The following MACROH2A1 variants were observed in gnomAD, a reference collection of about 807,000 sequenced individuals.
MACROH2A1 encodes macroH2A.1 histone.
In MACROH2A1, 2 loss-of-function variants were observed where a neutral mutation model predicts 31.6. The observed-to-expected ratio is 0.06, with a 90% CI of 0.03 to 0.20. The LOEUF (loss-of-function observed/expected upper bound fraction) is 0.20, where lower values mean the gene tolerates loss of function less well. MACROH2A1 is among the 10% of genes least tolerant of loss of function. MACROH2A1 has a pLI of 1.00. For missense variants in MACROH2A1, 230 were observed against 474.0 expected, an observed-to-expected ratio of 0.49 and a Z score of 4.78; for synonymous variants, 169 against 189.6, an observed-to-expected ratio of 0.89 and a Z score of 0.89.
intron 2 of MACROH2A1, 132 bp from the exon 3 acceptor site, chr5:135,370,274 T>C: frequency 1.7e-6 from 1 of 592,716 alleles, no homozygotes; most frequent in Non-Finnish European, 3.0e-6. Context: ...GGTGAAAAGC[T>C]GTGGGCAGAG....
At chr5:135,380,147 A>T (rs1319963762) in intron 2 of MACROH2A1, among the ~76,000 whole-genome samples, 1 of 152,106 alleles carries the variant, frequency 6.6e-6, no homozygotes, top group South Asian at 2.1e-4. Flanking sequence ...TCATTCCTCT[A>T]ACTGGTCTTC....
At chr5:135,378,479 C>T (rs1184658099) in intron 2 of MACROH2A1, among the ~76,000 whole-genome samples, 1 of 152,254 alleles carries the variant, frequency 6.6e-6, no homozygotes, top group Non-Finnish European at 1.5e-5. Context: ...CTCTGGCAAT[C>T]ACCCATGACT....
At chr5:135,348,381 G>A (rs910700275) in intron 6 of MACROH2A1, among the ~76,000 whole-genome samples, 1 of 152,238 alleles carries the variant, frequency 6.6e-6, no homozygotes, top group East Asian at 1.9e-4. Context: ...TAGAAAGCAG[G>A]CATAAGTATC....
chr5:135,360,953 ATGTC>A (rs2149804673), intron 4 of MACROH2A1: 1 of 399,652 alleles, frequency 2.5e-6, no homozygotes, highest in Non-Finnish European at 4.7e-6. Context: ...TCCTTTCTAG[ATGTC>A]TGTAATACTA....
intron 6 of MACROH2A1, among the ~76,000 whole-genome samples, chr5:135,347,936 T>C (rs1213414403): frequency 6.6e-6 from 1 of 152,238 alleles, no homozygotes; most frequent in Non-Finnish European, 1.5e-5. Context: ...ATAATGTTTT[T>C]ACTTTATCAT....
At chr5:135,391,771 T>A (rs1482352814) in intron 1 of MACROH2A1, among the ~76,000 whole-genome samples, 1 of 152,182 alleles carries the variant, frequency 6.6e-6, no homozygotes, top group African/African-American at 2.4e-5. Context: ...CACCCAAGCA[T>A]TAGCCAAGCT....
rs753265178 is a variant in MACROH2A1 at position 135,369,821 on chromosome 5, C to T, written c.279+215G>A. 6.6e-5 allele frequency among the ~76,000 whole-genome samples: 10 copies of T among 152,132 alleles called. No individual in the cohort carries two copies. The highest frequency in any genetic ancestry group is 1.9e-4 in the East Asian group (1 of 5,184). The stretch of plus-strand genomic sequence containing the variant: ...GGAATTTAGATCATCTCTCTCCTTT[C>T]GGGAGAGCCAAATACCTTGTATTAT... On this transcript the variant is annotated intron_variant, in intron 3 of 8. Coordinates refer to ENST00000511689, the MANE Select transcript of MACROH2A1 (RefSeq NM_138610.3). This position sits in a 1 kb window ranked among gnomAD's most constrained non-coding sequence, Gnocchi z 4.3.
chr5:135,335,517 G>C (rs892139831), intron 8 of MACROH2A1, among the ~76,000 whole-genome samples: 4 of 152,190 alleles, frequency 2.6e-5, no homozygotes, highest in Admixed American at 2.6e-4. Flanking sequence ...CCAGGCTCTT[G>C]ATGTCAGCCC....
intron 4 of MACROH2A1, 175 bp from the exon 5 acceptor site, chr5:135,360,782 T>C (rs555208044): frequency 1.4e-5 from 10 of 700,350 alleles, no homozygotes; most frequent in Non-Finnish European, 2.1e-5. Context: ...ACAAGAGTTC[T>C]GTGGAGTGTG....
Position 135,378,172 on chromosome 5 carries a change from C to T in MACROH2A1, c.173-8030G>A, listed in dbSNP as rs144265851. ...GTGCCACTGAGTGACACAAGCTCCC[C>T]ATACCTGACTGGGCACTGCCCTCTC... On this transcript the variant is annotated intron_variant, in intron 2 of 8. Coordinates refer to ENST00000511689, the MANE Select transcript of MACROH2A1 (RefSeq NM_138610.3). Among the ~76,000 whole-genome samples the T allele has an allele frequency of 8.5e-3, 1,299 of 152,344 alleles. 25 individuals carry two copies. Among genetic ancestry groups the T allele is most frequent in the African/African-American group, 0.029 (1,208 of 41,564 alleles).
intron 5 of MACROH2A1, chr5:135,358,567 T>G (rs900932853): frequency 4.1e-6 from 4 of 985,428 alleles, no homozygotes; most frequent in Non-Finnish European, 4.8e-6. Flanking sequence ...CTCTTATGGC[T>G]GACCATTTTA....
At chr5:135,344,585 T>G (rs1259035974) in intron 7 of MACROH2A1, 1 of 152,158 alleles carries the variant, frequency 6.6e-6, no homozygotes, top group Admixed American at 6.5e-5. Context: ...GGGGTTGAAT[T>G]AAACCAGTGG....
chr5:135,338,135 C>G, intron 8 of MACROH2A1: 1 of 359,198 alleles, frequency 2.8e-6, no homozygotes, highest in Non-Finnish European at 4.0e-6. Flanking sequence ...CACAGCCCTG[C>G]AGCCTCCAGA....
intron 1 of MACROH2A1, among the ~76,000 whole-genome samples, chr5:135,397,446 G>C (rs1213907911): frequency 6.6e-6 from 1 of 152,110 alleles, no homozygotes; most frequent in Non-Finnish European, 1.5e-5. Context: ...TCCTTCTAAA[G>C]GCCTGCCTCA....
chr5:135,387,471 C>T (rs952021962), intron 2 of MACROH2A1, among the ~76,000 whole-genome samples: 2 of 152,192 alleles, frequency 1.3e-5, no homozygotes, highest in Non-Finnish European at 2.9e-5. Flanking sequence ...CCAGCCCTTC[C>T]GCTGCCTGGT....
intron 4 of MACROH2A1, among the ~76,000 whole-genome samples, chr5:135,367,486 T>C (rs2149833867): frequency 6.6e-6 from 1 of 152,354 alleles, no homozygotes; most frequent in East Asian, 1.9e-4. Flanking sequence ...CCACTCCAAA[T>C]ACTTCAAGTC....
intron 2 of MACROH2A1, among the ~76,000 whole-genome samples, chr5:135,383,970 C>A (rs1397019136): frequency 6.6e-6 from 1 of 152,172 alleles, no homozygotes; most frequent in East Asian, 1.9e-4. Context: ...CCTGACTGTC[C>A]TCTTCTTCCT....
chr5:135,385,299 A>G (rs957026722), intron 2 of MACROH2A1, among the ~76,000 whole-genome samples: 11 of 152,272 alleles, frequency 7.2e-5, no homozygotes, highest in Non-Finnish European at 1.3e-4. Flanking sequence ...AGCATTCTCC[A>G]GAAAGCATTT....
At chr5:135,359,987 G>C in intron 5 of MACROH2A1, 3 of 757,646 alleles carry the variant, frequency 4.0e-6, no homozygotes, top group Non-Finnish European at 4.8e-6. Context: ...ACAATTAGCT[G>C]GAAGAGTCAT....
Sources: gnomAD v4.1 joint callset for allele counts (sites outside exome capture counted in the v4.1 genomes callset) on GRCh38, gnomAD v4.1.1 for gene constraint, Gnocchi (gnomAD v3.1) non-coding constraint, MANE v1.5 for transcripts, NCBI Gene and HGNC (gene_info 2026-07-23, HGNC 2026-07-21) for gene names.